TMEM45A: variants seen among roughly 807,000 people sequenced by gnomAD.
TMEM45A encodes the protein transmembrane protein 45A, also known as DNA polymerase-transactivated protein 4.
A neutral mutation model predicts 32.0 loss-of-function variants in TMEM45A; 25 were observed. That is an observed-to-expected ratio of 0.78 (90% confidence interval 0.57 to 1.09). TMEM45A has a LOEUF of 1.09. Ranked by LOEUF, TMEM45A falls within the 50% of genes least tolerant of loss-of-function variation. TMEM45A has a pLI of 0.00. For synonymous variants in TMEM45A, 122 were observed against 114.8 expected, an observed-to-expected ratio of 1.06 and a Z score of -0.40; for missense variants, 302 against 325.0, an observed-to-expected ratio of 0.93 and a Z score of 0.54.
intron 1 of TMEM45A, among the ~76,000 whole-genome samples, chr3:100,517,014 T>C (rs1004296502): frequency 3.3e-5 from 5 of 152,196 alleles, no homozygotes; most frequent in African/African-American, 4.8e-5. Flanking sequence ...TGCTCTCACA[T>C]TGAGCCTGGT....
intron 3 of TMEM45A, among the ~76,000 whole-genome samples, chr3:100,558,054 A>G (rs1283107731): frequency 6.6e-6 from 1 of 152,200 alleles, no homozygotes; most frequent in Non-Finnish European, 1.5e-5. Flanking sequence ...CATCTTATGG[A>G]GATTCCAACT....
intron 1 of TMEM45A, among the ~76,000 whole-genome samples, chr3:100,515,761 A>G (rs576679521): frequency 6.6e-6 from 1 of 152,274 alleles, no homozygotes; most frequent in Admixed American, 6.5e-5. Flanking sequence ...CAAATATTAC[A>G]TGTTCTTACT....
At chr3:100,543,563 T>C (rs898083953) in intron 1 of TMEM45A, among the ~76,000 whole-genome samples, 2 of 152,210 alleles carry the variant, frequency 1.3e-5, no homozygotes, top group African/African-American at 4.8e-5. Context: ...AAAATACCTG[T>C]TTTTAATTTG....
At chr3:100,535,189 C>T (rs1019958152) in intron 1 of TMEM45A, among the ~76,000 whole-genome samples, 2 of 151,576 alleles carry the variant, frequency 1.3e-5, no homozygotes, top group African/African-American at 2.4e-5. Context: ...GGTGCAATCT[C>T]GGTTCACTAC....
At chr3:100,530,363 G>C (rs1705623099) in intron 1 of TMEM45A, among the ~76,000 whole-genome samples, 1 of 152,174 alleles carries the variant, frequency 6.6e-6, no homozygotes, top group Non-Finnish European at 1.5e-5. Context: ...AGTTTTGAGG[G>C]AGAATTCATT....
chr3:100,524,517 C>T (rs1381041505), intron 1 of TMEM45A, among the ~76,000 whole-genome samples: 1 of 152,056 alleles, frequency 6.6e-6, no homozygotes, highest in Non-Finnish European at 1.5e-5. Context: ...AGGCATCCTG[C>T]AAGTTTTACA....
chr3:100,565,180 G>A (rs905177374), intron 4 of TMEM45A, among the ~76,000 whole-genome samples: 8 of 152,280 alleles, frequency 5.3e-5, no homozygotes, highest in South Asian at 4.1e-4. Flanking sequence ...CGAGGATGAC[G>A]ATGTCTTCTT....
intron 1 of TMEM45A, among the ~76,000 whole-genome samples, chr3:100,516,114 A>C (rs1708257875): frequency 6.6e-6 from 1 of 152,190 alleles, no homozygotes; most frequent in Admixed American, 6.5e-5. Flanking sequence ...CTCTGTAAAT[A>C]TGTACAATGA....
At chr3:100,557,034 C>G in intron 3 of TMEM45A, 62 bp downstream of exon 3, 1 of 1,504,198 alleles carries the variant, frequency 6.6e-7, no homozygotes, top group Non-Finnish European at 9.2e-7. Context: ...TGTAGCCCTT[C>G]ATATTAATAT....
intron 1 of TMEM45A, among the ~76,000 whole-genome samples, chr3:100,522,661 A>G (rs1254557908): frequency 6.6e-6 from 1 of 152,174 alleles, no homozygotes; most frequent in Non-Finnish European, 1.5e-5. Flanking sequence ...GGGTCTGGCT[A>G]CTATAGTCCT....
At chr3:100,513,810 CA>C (rs1204776026) in intron 1 of TMEM45A, among the ~76,000 whole-genome samples, 8 of 152,146 alleles carry the variant, frequency 5.3e-5, no homozygotes, top group Non-Finnish European at 1.2e-4. Flanking sequence ...GCAAAAATCA[CA>C]AGCATTCTTA....
chr3:100,502,211 C>CTT (rs199727846), intron 1 of TMEM45A, among the ~76,000 whole-genome samples: 1 of 145,852 alleles, frequency 6.9e-6, no homozygotes. Flanking sequence ...AGGTATGGAT[C>CTT]TTTTTTTTTT....
In TMEM45A at chr3:100,504,442, A is replaced by G. The variant is rs1467746476; in HGVS notation, c.-4+11514A>G. Reference sequence around the variant, plus strand: ...CTCCTGACTTTGATTCTTTCCCCGTATAACCTATGCACCACAGAGTGGCCA... The same window carrying G: ...CTCCTGACTTTGATTCTTTCCCCGTGTAACCTATGCACCACAGAGTGGCCA... On this transcript the variant is annotated intron_variant, in intron 1 of 5. Coordinates refer to ENST00000323523, the MANE Select transcript of TMEM45A (RefSeq NM_018004.3). 2.0e-5 allele frequency among the ~76,000 whole-genome samples: 3 copies of G among 152,330 alleles called. No individual in the cohort carries two copies. The East Asian group carries it at 5.8e-4, about 29-fold the overall frequency.
chr3:100,528,171 C>A (rs1319982304), intron 1 of TMEM45A, among the ~76,000 whole-genome samples: 1 of 152,150 alleles, frequency 6.6e-6, no homozygotes, highest in Non-Finnish European at 1.5e-5. Context: ...ACAGTGGTGC[C>A]AAGGGTTGAA....
chr3:100,503,992 C>T (rs1708044388), intron 1 of TMEM45A, among the ~76,000 whole-genome samples: 1 of 152,154 alleles, frequency 6.6e-6, no homozygotes, highest in Non-Finnish European at 1.5e-5. Context: ...TTGGCAAGTG[C>T]TCAGGTTTAA....
chr3:100,550,207 AG>A (rs57779304), intron 1 of TMEM45A, among the ~76,000 whole-genome samples: 443 of 66,816 alleles, frequency 6.6e-3, no homozygotes, highest in Middle Eastern at 0.01. Flanking sequence ...AAAAAAAAAA[AG>A]AAAAAAAAAT....
chr3:100,523,736 TCTC>T (rs1431147148), intron 1 of TMEM45A, among the ~76,000 whole-genome samples: 3 of 146,092 alleles, frequency 2.1e-5, no homozygotes, highest in African/African-American at 7.6e-5. Context: ...CCTCCTCCTT[TCTC>T]CTCCTTCTCC....
intron 1 of TMEM45A, among the ~76,000 whole-genome samples, chr3:100,547,341 C>T (rs1296172254): frequency 1.3e-5 from 2 of 152,106 alleles, no homozygotes; most frequent in East Asian, 1.9e-4. Flanking sequence ...AGGCTGGTCT[C>T]AAACTCCTGA....
chr3:100,559,786 A>G (rs1427651677), intron 4 of TMEM45A, among the ~76,000 whole-genome samples: 1 of 152,100 alleles, frequency 6.6e-6, no homozygotes, highest in Non-Finnish European at 1.5e-5. Context: ...CTCCTGACAC[A>G]TAGCAATGAC....
Sources: gnomAD v4.1 joint callset for allele counts (sites outside exome capture counted in the v4.1 genomes callset) on GRCh38, gnomAD v4.1.1 for gene constraint, MANE v1.5 for transcripts, NCBI Gene and HGNC (gene_info 2026-07-23, HGNC 2026-07-21) for gene names.